CDH12: variants seen among roughly 807,000 people sequenced by gnomAD.
CDH12 encodes cadherin 12, also known as cadherin-12.
In CDH12, 41 loss-of-function variants were observed where a neutral mutation model predicts 74.1. The ratio of observed to expected loss-of-function variants is 0.55; its 90% CI spans 0.43 to 0.72. The LOEUF (loss-of-function observed/expected upper bound fraction) is 0.72, where lower values mean the gene tolerates loss of function less well. CDH12 is among the 30% of genes least tolerant of loss of function. The pLI is 0.00. For missense variants in CDH12, 945 were observed against 977.2 expected (o/e 0.97, Z 0.44); for synonymous variants, 399 against 355.0 (o/e 1.12, Z -1.39).
intron 8 of CDH12, among the ~76,000 whole-genome samples, chr5:21,826,966 G>A (rs1748708875): frequency 1.3e-5 from 2 of 152,080 alleles, no homozygotes; most frequent in African/African-American, 4.8e-5. Context: ...CATTGCTGTG[G>A]TGTAAGAGCT....
intron 6 of CDH12, among the ~76,000 whole-genome samples, chr5:21,935,771 C>A (rs1426358220): frequency 6.6e-6 from 1 of 152,186 alleles, no homozygotes; most frequent in Non-Finnish European, 1.5e-5. Flanking sequence ...AGCCTGTTAA[C>A]CTTTATACTG....
intron 5 of CDH12, among the ~76,000 whole-genome samples, chr5:21,983,494 AT>A (rs1232640110): frequency 6.6e-6 from 1 of 151,916 alleles, no homozygotes; most frequent in Non-Finnish European, 1.5e-5. Flanking sequence ...GTATGTGTTT[AT>A]TTGGGTTTGT....
chr5:22,637,973 C>A (rs1422897403), intron 1 of CDH12, among the ~76,000 whole-genome samples: 1 of 152,100 alleles, frequency 6.6e-6, no homozygotes, highest in Admixed American at 6.5e-5. Context: ...CAAGAATGAA[C>A]CAAAATATAG....
chr5:21,756,544 C>T (rs1204576161), intron 13 of CDH12, among the ~76,000 whole-genome samples: 1 of 152,048 alleles, frequency 6.6e-6, no homozygotes, highest in Non-Finnish European at 1.5e-5. Flanking sequence ...ATAAAAATTA[C>T]TATTTTTATA....
At chr5:21,777,980 G>A (rs1561176156) in intron 11 of CDH12, among the ~76,000 whole-genome samples, 1 of 151,980 alleles carries the variant, frequency 6.6e-6, no homozygotes, top group Non-Finnish European at 1.5e-5. Context: ...GAATTTTTCA[G>A]GAATACAATA....
chr5:22,767,765 G>A (rs554957820), intron 1 of CDH12, among the ~76,000 whole-genome samples: 2 of 151,812 alleles, frequency 1.3e-5, no homozygotes, highest in East Asian at 3.9e-4. Flanking sequence ...TAAAAGCAGG[G>A]CAATGATAAT....
intron 1 of CDH12, among the ~76,000 whole-genome samples, chr5:22,544,000 A>G (rs1437427929): frequency 6.6e-6 from 1 of 152,070 alleles, no homozygotes; most frequent in Non-Finnish European, 1.5e-5. Flanking sequence ...CTTAGTCAAA[A>G]ATCAAAGAAT....
intron 3 of CDH12, among the ~76,000 whole-genome samples, chr5:22,282,387 G>A (rs139669774): frequency 3.3e-4 from 50 of 152,198 alleles, no homozygotes; most frequent in African/African-American, 1.1e-3. Flanking sequence ...AGCCAAAATT[G>A]ATAAATGGGA....
intron 4 of CDH12, among the ~76,000 whole-genome samples, chr5:22,095,730 C>A (rs1287539571): frequency 2.0e-5 from 3 of 151,856 alleles, no homozygotes; most frequent in Non-Finnish European, 4.4e-5. Flanking sequence ...CCCCCAATCC[C>A]TTATTTCCAC....
At chr5:22,335,600 A>C (rs1467325417) in intron 3 of CDH12, among the ~76,000 whole-genome samples, 1 of 151,532 alleles carries the variant, frequency 6.6e-6, no homozygotes, top group Non-Finnish European at 1.5e-5. Context: ...AAAAAAAAAA[A>C]CAAAAACAAA....
chr5:21,832,913 A>ATG (rs1749139663), intron 8 of CDH12, among the ~76,000 whole-genome samples: 1 of 76,868 alleles, frequency 1.3e-5, no homozygotes, highest in Non-Finnish European at 2.0e-5. Context: ...TATATGATAT[A>ATG]ATATTAATAT....
intron 4 of CDH12, 34 bp from the exon 5 acceptor site, chr5:22,078,896 A>T: frequency 8.6e-7 from 1 of 1,158,836 alleles, no homozygotes; most frequent in Non-Finnish European, 1.1e-6. Flanking sequence ...ACATTAAATT[A>T]ATGAAATTGC....
At chr5:22,001,765 A>G (rs1241547790) in intron 5 of CDH12, among the ~76,000 whole-genome samples, 1 of 150,158 alleles carries the variant, frequency 6.7e-6, no homozygotes, top group Non-Finnish European at 1.5e-5. Flanking sequence ...TGTCTTTTCC[A>G]TGGCTTGCCC....
At chr5:22,811,740 G>A (rs904658548) in intron 1 of CDH12, among the ~76,000 whole-genome samples, 1 of 152,156 alleles carries the variant, frequency 6.6e-6, no homozygotes, top group Non-Finnish European at 1.5e-5. Context: ...GCAGGATTGT[G>A]TAAACTTTCT....
intron 1 of CDH12, among the ~76,000 whole-genome samples, chr5:22,850,981 G>T (rs745510120): frequency 6.6e-5 from 10 of 152,080 alleles, no homozygotes; most frequent in Non-Finnish European, 8.8e-5. Flanking sequence ...ACTGTTACAT[G>T]AAATAGGCTC....
intron 1 of CDH12, among the ~76,000 whole-genome samples, chr5:22,701,365 C>T (rs746978601): frequency 6.6e-6 from 1 of 152,054 alleles, no homozygotes; most frequent in Non-Finnish European, 1.5e-5. Context: ...TGAAATGCTA[C>T]AACCTTTACT....
At chr5:22,153,591 G>A (rs1195690983) in intron 4 of CDH12, among the ~76,000 whole-genome samples, 1 of 150,950 alleles carries the variant, frequency 6.6e-6, no homozygotes, top group African/African-American at 2.4e-5. Flanking sequence ...AGCTCTGTAA[G>A]CCTCAGTTTC....
In CDH12 at chr5:22,071,741, T is replaced by G. The variant is rs146032832; in HGVS notation, c.231+6705A>C. ...ATGTATGTAAATATCTATGATATAC[T>G]TCACCTGTGTACTTGTAAGTAACTA... On this transcript the variant is annotated intron_variant, in intron 5 of 14. Coordinates refer to ENST00000382254, the MANE Select transcript of CDH12 (RefSeq NM_004061.5). Among the ~76,000 whole-genome samples the G allele has an allele frequency of 5.3e-3, 805 of 152,272 alleles. 9 individuals carry two copies. The highest frequency in any genetic ancestry group is 8.3e-3 in the Non-Finnish European group (567 of 68,020).
At chr5:22,083,723 G>A (rs1325462497) in intron 4 of CDH12, among the ~76,000 whole-genome samples, 1 of 152,090 alleles carries the variant, frequency 6.6e-6, no homozygotes, top group Non-Finnish European at 1.5e-5. Context: ...TAGCAGGCAG[G>A]CTTGAATCTG....
Sources: allele counts gnomAD v4.1 joint callset (sites outside exome capture counted in the v4.1 genomes callset), GRCh38; gene constraint gnomAD v4.1.1; transcripts MANE v1.5; gene names NCBI Gene and HGNC (gene_info 2026-07-23, HGNC 2026-07-21).